The following MRPL42 variants were observed in gnomAD, a reference collection of about 807,000 sequenced individuals.
MRPL42 encodes large ribosomal subunit protein mL42.
Under a neutral mutation model 17.9 loss-of-function variants are expected in MRPL42, and 17 were observed. The ratio of observed to expected loss-of-function variants is 0.95; its 90% CI spans 0.65 to 1.42. MRPL42 has a LOEUF of 1.42. Ranked by LOEUF, MRPL42 falls within the 40% of genes most tolerant of loss-of-function variation. The probability of loss-of-function intolerance (pLI) is 0.00; values close to 1 mark genes in which losing one functional copy is unlikely to be tolerated. For synonymous variants in MRPL42, 59 were observed against 54.4 expected, an observed-to-expected ratio of 1.08 and a Z score of -0.37; for missense variants, 177 against 175.2, an observed-to-expected ratio of 1.01 and a Z score of -0.06.
intron 5 of MRPL42, among the ~76,000 whole-genome samples, chr12:93,488,115 C>T (rs754194838): frequency 3.9e-5 from 6 of 152,098 alleles, no homozygotes; most frequent in Admixed American, 1.3e-4. Context: ...GGACTACAGG[C>T]GCATGCCACT....
intron 2 of MRPL42, chr12:93,470,471 T>C (rs1178144597): frequency 1.6e-6 from 2 of 1,280,152 alleles, no homozygotes; most frequent in Non-Finnish European, 1.0e-6. Context: ...TTTTTATTTT[T>C]ATTTTTTATT....
In MRPL42 at chr12:93,478,295, T is replaced by G. The variant is rs545856600; in HGVS notation, c.135-1093T>G. 2.0e-5 allele frequency among the ~76,000 whole-genome samples: 3 copies of G among 152,272 alleles called. 1 individual carries two copies. In the East Asian group the frequency reaches 5.8e-4, roughly 29 times the overall value. ...CAGGGTCTCGCTTTGTCACCCAGAC[T>G]GGAGTGCAGTGGCGCTATGTCAGCT... On this transcript the variant is annotated intron_variant, in intron 3 of 5. Transcript: ENST00000549982.
intron 4 of MRPL42, among the ~76,000 whole-genome samples, chr12:93,482,896 C>CT (rs11347110): frequency 1.9e-4 from 28 of 145,964 alleles, no homozygotes; most frequent in East Asian, 6.0e-4. Context: ...CAATCTGGTT[C>CT]TTTTTTTTTT....
Position 93,508,774 on chromosome 12 carries a change from T to G in MRPL42, c.*7553T>G, listed in dbSNP as rs947973823. On this transcript the variant is annotated 3_prime_UTR_variant, in exon 6 of 6. Transcript: ENST00000549982. The stretch of plus-strand genomic sequence containing the variant: ...GTAAGCAGCCCCGAACACTTACTTA[T>G]AAGCCATCTCTACCTGAATTAGCAA... The G allele has an allele frequency of 6.6e-6, 1 of 152,230 alleles. No homozygotes were observed. Among genetic ancestry groups the G allele is most frequent in the Non-Finnish European group, 1.5e-5 (1 of 68,046 alleles). 9.4% of individuals were successfully genotyped at this position (152,230 alleles called of 1,614,324 possible).
intron 5 of MRPL42, among the ~76,000 whole-genome samples, chr12:93,495,981 A>G (rs1953493371): frequency 6.6e-6 from 1 of 152,216 alleles, no homozygotes; most frequent in African/African-American, 2.4e-5. Flanking sequence ...TCAGACAATC[A>G]TTTAATACCC....
chr12:93,484,812 G>T (rs183938941), intron 4 of MRPL42, among the ~76,000 whole-genome samples: 1 of 149,738 alleles, frequency 6.7e-6, no homozygotes, highest in Non-Finnish European at 1.5e-5. Context: ...TGGCCAGGCT[G>T]GTCATGAACT....
At chr12:93,491,166 C>T (rs945593910) in intron 5 of MRPL42, among the ~76,000 whole-genome samples, 4 of 152,224 alleles carry the variant, frequency 2.6e-5, no homozygotes, top group African/African-American at 7.2e-5. Context: ...GCTGGGATTA[C>T]AGGTGTGAGC....
intron 4 of MRPL42, among the ~76,000 whole-genome samples, chr12:93,480,311 G>T (rs1880396197): frequency 6.6e-6 from 1 of 151,736 alleles, no homozygotes; most frequent in Non-Finnish European, 1.5e-5. Flanking sequence ...AGTAGAGACG[G>T]TGTTTCACCA....
intron 5 of MRPL42, among the ~76,000 whole-genome samples, chr12:93,500,275 C>T (rs1370470142): frequency 6.6e-6 from 1 of 152,106 alleles, no homozygotes; most frequent in Admixed American, 6.6e-5. Flanking sequence ...AGAGGAATTA[C>T]TAGGTCAAAA....
In MRPL42 at chr12:93,505,088, G is replaced by T. The variant is rs2121292760; in HGVS notation, c.*3867G>T. ...ATTTTGAGAATATGTGTTTTCCTGG[G>T]GATAGAGTATGTAGTTTCTCAGCAA... On this transcript the variant is annotated 3_prime_UTR_variant, in exon 6 of 6. Coordinates refer to ENST00000549982, the MANE Select transcript of MRPL42 (RefSeq NM_014050.4). 1 of 152,230 alleles carries T rather than the reference G, an allele frequency of 6.6e-6. No homozygotes were observed. The highest frequency in any genetic ancestry group is 2.1e-4 in the South Asian group (1 of 4,828). The allele number at this position is 152,230 out of a possible 1,614,324, so 9.4% of individuals were successfully genotyped here. A position where few individuals can be genotyped will look rare whatever the true frequency, so the allele number is the denominator to read the frequency against.
intron 2 of MRPL42, chr12:93,470,447 CTA>C (rs1879853224): frequency 7.9e-7 from 1 of 1,264,770 alleles, no homozygotes; most frequent in Non-Finnish European, 1.0e-6. Context: ...TTATATTAAA[CTA>C]TGTGAGCCAA....
rs1410102629 is a variant in MRPL42, at chr12:93,501,668, C to T, written c.*447C>T. 6.6e-6 allele frequency: 1 copy of T among 152,312 alleles called. No homozygotes were observed. The highest frequency in any genetic ancestry group is 1.5e-5 in the Non-Finnish European group (1 of 68,172). 9.4% of individuals were successfully genotyped at this position (152,312 alleles called of 1,614,324 possible). A position where few individuals can be genotyped will look rare whatever the true frequency, so the allele number is the denominator to read the frequency against. The stretch of plus-strand genomic sequence containing the variant: ...ATAGTAGGTTTATTGGGATGTAACC[C>T]TATGATAAGTTGAGAAACATCTCTT... On this transcript the variant is annotated 3_prime_UTR_variant, in exon 6 of 6. Transcript: ENST00000549982.
chr12:93,496,184 G>A (rs1184603256), intron 5 of MRPL42, among the ~76,000 whole-genome samples: 2 of 151,984 alleles, frequency 1.3e-5, no homozygotes, highest in East Asian at 1.9e-4. Context: ...TCAGCCTCCC[G>A]AGTACCTGGG....
rs139279349 is a variant in MRPL42 at position 93,476,831 on chromosome 12, C to T, written c.71-123C>T. On this transcript the variant is annotated intron_variant, in intron 2 of 5. Coordinates refer to ENST00000549982, the MANE Select transcript of MRPL42 (RefSeq NM_014050.4). ...TTGTTTGTTGTTGAATCCCTAGCCC[C>T]TAGCACAGGCCTGTTTCATACTAAA... 759 of 857,014 alleles carry T rather than the reference C, an allele frequency of 8.9e-4. 8 individuals are homozygous for T. The African/African-American group carries it at 0.012, about 13-fold the overall frequency. 53.1% of individuals were successfully genotyped at this position (857,014 alleles called of 1,614,324 possible). A position where few individuals can be genotyped will look rare whatever the true frequency, so the allele number is the denominator to read the frequency against.
In MRPL42 at chr12:93,510,344, G is replaced by C. The variant is rs1275795944; in HGVS notation, c.*9123G>C. ...ACAACAGTTTATCCATTCACCTGCT[G>C]AAGGACATCTTGGTTGATTGCTTCC... On this transcript the variant is annotated 3_prime_UTR_variant, in exon 6 of 6. Coordinates refer to ENST00000549982, the MANE Select transcript of MRPL42 (RefSeq NM_014050.4). 6.6e-6 allele frequency: 1 copy of C among 152,152 alleles called. No homozygotes were observed. Among genetic ancestry groups the C allele is most frequent in the Admixed American group, 6.5e-5 (1 of 15,270 alleles). 9.4% of individuals were successfully genotyped at this position (152,152 alleles called of 1,614,324 possible).
At position 93,488,493 on chromosome 12, in the gene MRPL42, A is replaced by G. The variant is rs549685810; in HGVS notation, c.383+833A>G. On this transcript the variant is annotated intron_variant, in intron 5 of 5. Transcript: ENST00000549982. ...AACCAGAGCTTTCAGTGAATTTTGT[A>G]AGAGTTCTTGAAAATTTTTACATTC... The G allele has an allele frequency of 1.3e-5, 5 of 377,938 alleles. No individual in the cohort carries two copies. The South Asian group carries it at 7.1e-4, about 54-fold the overall frequency. 23.4% of individuals were successfully genotyped at this position (377,938 alleles called of 1,614,324 possible). A position where few individuals can be genotyped will look rare whatever the true frequency, so the allele number is the denominator to read the frequency against.
intron 2 of MRPL42, among the ~76,000 whole-genome samples, chr12:93,474,996 G>A (rs1276602291): frequency 6.6e-6 from 1 of 152,168 alleles, no homozygotes; most frequent in Non-Finnish European, 1.5e-5. Flanking sequence ...GAGGGACTGA[G>A]GTAGGAGAAT....
intron 5 of MRPL42, among the ~76,000 whole-genome samples, chr12:93,491,762 C>G (rs1592782942): frequency 6.6e-6 from 1 of 152,058 alleles, no homozygotes; most frequent in African/African-American, 2.4e-5. Flanking sequence ...TCAGCTTTCT[C>G]TCACCTCTTT....
intron 2 of MRPL42, chr12:93,470,378 T>C (rs1470506293): frequency 9.8e-6 from 10 of 1,023,060 alleles, no homozygotes; most frequent in African/African-American, 1.7e-5. Context: ...ACAGCTCTTA[T>C]AGGAAGCTTT....
Sources: gnomAD v4.1 joint callset for allele counts (sites outside exome capture counted in the v4.1 genomes callset) on GRCh38, gnomAD v4.1.1 for gene constraint, MANE v1.5 for transcripts, NCBI Gene and HGNC (gene_info 2026-07-23, HGNC 2026-07-21) for gene names.